The following TACC2 variants were observed in gnomAD, a reference collection of about 807,000 sequenced individuals.
TACC2 encodes transforming acidic coiled-coil-containing protein 2.
A neutral mutation model predicts 227.3 loss-of-function variants in TACC2; 137 were observed. The observed-to-expected ratio is 0.60, with a 90% CI of 0.52 to 0.69. The LOEUF (loss-of-function observed/expected upper bound fraction) is 0.69. TACC2 is among the 30% of genes least tolerant of loss of function. The pLI, the probability that TACC2 is intolerant of heterozygous loss-of-function variation, is 0.00. For missense variants in TACC2, 3,470 were observed against 3,694.4 expected (o/e 0.94, Z 1.57); for synonymous variants, 1,523 against 1,487.5 (o/e 1.02, Z -0.55).
intron 1 of TACC2, among the ~76,000 whole-genome samples, chr10:122,010,450 G>T (rs558673658): frequency 6.6e-6 from 1 of 152,282 alleles, no homozygotes; most frequent in Admixed American, 6.5e-5. Context: ...CAAATATCTG[G>T]TTTAGCAGGG....
intron 3 of TACC2, among the ~76,000 whole-genome samples, chr10:122,053,042 T>C (rs1720294288): frequency 6.6e-6 from 1 of 152,210 alleles, no homozygotes; most frequent in African/African-American, 2.4e-5. Context: ...TTTTAAAACC[T>C]ATTCGGTTCT....
chr10:122,049,533 G>A (rs1257908586), intron 2 of TACC2, among the ~76,000 whole-genome samples: 2 of 152,134 alleles, frequency 1.3e-5, no homozygotes, highest in African/African-American at 4.8e-5. Flanking sequence ...GGGTGGAACT[G>A]TTCTTGAAAG....
At chr10:122,206,564 T>C (rs2095117004) in intron 8 of TACC2, among the ~76,000 whole-genome samples, 1 of 152,224 alleles carries the variant, frequency 6.6e-6, no homozygotes. Context: ...ACTGATGCCT[T>C]GACCTTGGAC....
At chr10:122,057,127 T>G (rs1006651688) in intron 3 of TACC2, among the ~76,000 whole-genome samples, 5 of 152,078 alleles carry the variant, frequency 3.3e-5, no homozygotes, top group African/African-American at 9.7e-5. Context: ...AGGAGGCAGA[T>G]GTTGCAGTGA....
At chr10:122,063,123 A>G (rs182345902) in intron 3 of TACC2, among the ~76,000 whole-genome samples, 2 of 152,362 alleles carry the variant, frequency 1.3e-5, no homozygotes. Flanking sequence ...ACCTTGGTCA[A>G]TCCTTAACAT....
At chr10:122,149,068 G>C (rs2139414879) in intron 7 of TACC2, among the ~76,000 whole-genome samples, 1 of 152,366 alleles carries the variant, frequency 6.6e-6, no homozygotes, top group Admixed American at 6.5e-5. Flanking sequence ...GCTGAAGCCA[G>C]GCGAGGGGTC....
chr10:122,004,827 G>A (rs975676561), intron 1 of TACC2, among the ~76,000 whole-genome samples: 10 of 152,148 alleles, frequency 6.6e-5, no homozygotes, highest in African/African-American at 2.4e-4. Flanking sequence ...CTAGGTAGCA[G>A]GCAGGAAGAA....
intron 7 of TACC2, among the ~76,000 whole-genome samples, chr10:122,191,438 C>T (rs187905862): frequency 1.8e-3 from 273 of 152,208 alleles, no homozygotes; most frequent in Middle Eastern, 3.4e-3. Flanking sequence ...TTTGGCTTCC[C>T]TGGGCCACAT....
At chr10:122,198,719 C>G (rs1232952972) in intron 8 of TACC2, among the ~76,000 whole-genome samples, 2 of 152,244 alleles carry the variant, frequency 1.3e-5, no homozygotes, top group African/African-American at 4.8e-5. Context: ...CCAAGCCCGG[C>G]TCCCTTCCAT....
In TACC2 at chr10:122,086,053, C is replaced by A; in HGVS notation, c.3553C>A (p.His1185Asn). ...SALRESCQAE[H>N]PMASCQDALL... Reference sequence around the variant, plus strand: ...CCTACGTGAGTCCTGCCAAGCTGAGCACCCCATGGCCAGCTGCCAGGATGC... The same window carrying A: ...CCTACGTGAGTCCTGCCAAGCTGAGAACCCCATGGCCAGCTGCCAGGATGC... The change falls in exon 4 of 23, where the codon CAC (histidine) becomes AAC (asparagine). Residue 1185 changes from histidine (H) to asparagine (N), a missense_variant. His to Asn is a moderately conservative substitution (Grantham distance 68, BLOSUM62 1). Transcript: ENST00000369005. 6.2e-7 allele frequency: 1 copy of A among 1,613,884 alleles called. No homozygotes were observed. The highest frequency in any genetic ancestry group is 8.5e-7 in the Non-Finnish European group (1 of 1,180,024).
intron 3 of TACC2, among the ~76,000 whole-genome samples, chr10:122,080,694 C>G (rs1451583258): frequency 6.6e-6 from 1 of 152,166 alleles, no homozygotes; most frequent in Non-Finnish European, 1.5e-5. Context: ...CAGTTCAGTT[C>G]ATAGCACATA....
intron 7 of TACC2, among the ~76,000 whole-genome samples, chr10:122,154,347 G>A (rs1174663093): frequency 6.6e-6 from 1 of 152,246 alleles, no homozygotes; most frequent in Non-Finnish European, 1.5e-5. Context: ...TCCGAGGCAG[G>A]CAGTCACTGC....
intron 7 of TACC2, chr10:122,163,966 C>G (rs758197605): frequency 6.9e-6 from 11 of 1,588,904 alleles, no homozygotes. Context: ...CAGCCAGCGA[C>G]CTGAACCTGG....
intron 7 of TACC2, chr10:122,192,442 GT>G: frequency 3.0e-6 from 1 of 328,180 alleles, no homozygotes; most frequent in Non-Finnish European, 6.1e-6. Flanking sequence ...AGAGCCTGCT[GT>G]CGCCAGTGCC....
At chr10:122,190,731 T>C (rs1004388594) in intron 7 of TACC2, among the ~76,000 whole-genome samples, 3 of 152,120 alleles carry the variant, frequency 2.0e-5, no homozygotes, top group Non-Finnish European at 2.9e-5. Context: ...TGGGTGCATC[T>C]CAGGACTCTT....
At chr10:122,166,433 G>C (rs988931070) in intron 7 of TACC2, among the ~76,000 whole-genome samples, 3 of 152,086 alleles carry the variant, frequency 2.0e-5, no homozygotes, top group Non-Finnish European at 2.9e-5. Flanking sequence ...AGCGACTTTT[G>C]TATCTCCCCT....
intron 7 of TACC2, among the ~76,000 whole-genome samples, chr10:122,146,228 A>G (rs2091357056): frequency 6.6e-6 from 1 of 152,092 alleles, no homozygotes; most frequent in Non-Finnish European, 1.5e-5. Flanking sequence ...AAGATACAGA[A>G]GAGAATAGAT....
At chr10:122,079,844 C>T (rs1189587081) in intron 3 of TACC2, among the ~76,000 whole-genome samples, 2 of 152,210 alleles carry the variant, frequency 1.3e-5, no homozygotes, top group Non-Finnish European at 2.9e-5. Flanking sequence ...CAGCTGTTGG[C>T]AGGGCTAAAT....
chr10:122,176,383 C>T (rs1160195826), intron 7 of TACC2, among the ~76,000 whole-genome samples: 2 of 151,964 alleles, frequency 1.3e-5, no homozygotes, highest in Non-Finnish European at 1.5e-5. Flanking sequence ...TCAGGTCCTC[C>T]CTGGTCAATA....
Sources: gnomAD v4.1 joint callset for allele counts (sites outside exome capture counted in the v4.1 genomes callset) on GRCh38, gnomAD v4.1.1 for gene constraint, MANE v1.5 for transcripts, NCBI Gene and HGNC (gene_info 2026-07-23, HGNC 2026-07-21) for gene names.